The following JAM3 variants were observed in gnomAD, a reference collection of about 807,000 sequenced individuals.
JAM3 encodes junctional adhesion molecule 3.
Under a neutral mutation model 39.4 loss-of-function variants are expected in JAM3, and 31 were observed. The ratio of observed to expected loss-of-function variants is 0.79; its 90% CI spans 0.59 to 1.06. The LOEUF (loss-of-function observed/expected upper bound fraction) is 1.06, where lower values mean the gene tolerates loss of function less well. JAM3 is among the 50% of genes least tolerant of loss of function. JAM3 has a pLI of 0.00. For synonymous variants in JAM3, 182 were observed against 148.7 expected (o/e 1.22, Z -1.63); for missense variants, 455 against 391.4 (o/e 1.16, Z -1.37).
intron 1 of JAM3, among the ~76,000 whole-genome samples, chr11:134,113,875 G>A (rs1388020000): frequency 6.6e-6 from 1 of 152,144 alleles, no homozygotes; most frequent in Admixed American, 6.5e-5. Context: ...ACTTTTTAAT[G>A]ATCGCAATTC....
At chr11:134,082,443 C>T (rs1941682281) in intron 1 of JAM3, among the ~76,000 whole-genome samples, 2 of 152,078 alleles carry the variant, frequency 1.3e-5, no homozygotes, top group African/African-American at 2.4e-5. Flanking sequence ...CATCTTGTAG[C>T]TCCCATAATT....
intron 1 of JAM3, among the ~76,000 whole-genome samples, chr11:134,096,277 G>A (rs1941981467): frequency 6.6e-6 from 1 of 152,136 alleles, no homozygotes; most frequent in African/African-American, 2.4e-5. Flanking sequence ...CCGTGTAGAA[G>A]GCATTTATGT....
chr11:134,132,256 G>A (rs1942783567), intron 1 of JAM3, among the ~76,000 whole-genome samples: 1 of 152,196 alleles, frequency 6.6e-6, no homozygotes, highest in Non-Finnish European at 1.5e-5. Flanking sequence ...TTGGAGGCCA[G>A]AAGGAAGTGG....
rs776609444 is a variant in JAM3 at position 134,144,928 on chromosome 11, G to A, written c.546G>A (p.Thr182=). 2.5e-6 allele frequency: 4 copies of A among 1,614,044 alleles called. No individual in the cohort carries two copies. The highest frequency in any genetic ancestry group is 2.5e-6 in the Non-Finnish European group (3 of 1,180,038). The change falls in exon 5 of 9, where the codon ACG becomes ACA. Residue 182 remains threonine, a synonymous_variant. Transcript: ENST00000299106. ...SWYRNDVPLP[T]DSRANPRFRN... is the part of the protein sequence containing the mutation. ...ATCGCAATGATGTACCACTGCCCAC[G>A]GATTCCAGAGCCAATCCCAGATTTC...
At chr11:134,140,450 G>T (rs1482510243) in intron 2 of JAM3, among the ~76,000 whole-genome samples, 1 of 152,154 alleles carries the variant, frequency 6.6e-6, no homozygotes. Context: ...TAAGGGAGGG[G>T]TACACTATGT....
chr11:134,110,778 A>G (rs1305179407), intron 1 of JAM3, among the ~76,000 whole-genome samples: 2 of 152,142 alleles, frequency 1.3e-5, no homozygotes, highest in Non-Finnish European at 2.9e-5. Context: ...GGTGGTTTCA[A>G]AGCTTTACGT....
chr11:134,145,908 G>C (rs768330788), intron 5 of JAM3, 38 bp from the exon 6 acceptor site: 14 of 1,412,298 alleles, frequency 9.9e-6, no homozygotes, highest in African/African-American at 8.4e-5. Flanking sequence ...TCGGCCCCAT[G>C]ATGGGTCCGA....
At chr11:134,117,301 C>T (rs1055064155) in intron 1 of JAM3, among the ~76,000 whole-genome samples, 2 of 152,090 alleles carry the variant, frequency 1.3e-5, no homozygotes, top group South Asian at 2.1e-4. Context: ...TGCTTGAACC[C>T]GGGAGGCGGA....
intron 6 of JAM3, among the ~76,000 whole-genome samples, chr11:134,146,754 G>A (rs553081441): frequency 6.6e-6 from 1 of 152,004 alleles, no homozygotes; most frequent in Non-Finnish European, 1.5e-5. Context: ...TTGTAGATAC[G>A]GGGTCTCACT....
At chr11:134,073,580 C>G (rs138055972) in intron 1 of JAM3, among the ~76,000 whole-genome samples, 319 of 152,228 alleles carry the variant, frequency 2.1e-3, no homozygotes, top group Admixed American at 3.7e-3. Context: ...AGTACAACAC[C>G]CATTTATTGA....
At position 134,140,648 on chromosome 11, in the gene JAM3, G is replaced by T. The variant is rs1942957155; in HGVS notation, c.143-9G>T. On this transcript the variant is annotated splice_polypyrimidine_tract_variant and intron_variant, in intron 2 of 8. Coordinates refer to ENST00000299106, the MANE Select transcript of JAM3 (RefSeq NM_032801.5). ...TCACCGAGAGCTCTTTTTCTTCTTT[G>T]CGTGTTAGGTGTGGAACTGTCTTGC... 6.2e-7 allele frequency: 1 copy of T among 1,608,792 alleles called. No homozygotes were observed. The highest frequency in any genetic ancestry group is 8.5e-7 in the Non-Finnish European group (1 of 1,175,546).
At chr11:134,083,309 C>T (rs1941695595) in intron 1 of JAM3, among the ~76,000 whole-genome samples, 1 of 150,512 alleles carries the variant, frequency 6.6e-6, no homozygotes, top group South Asian at 2.1e-4. Context: ...CCTATTTCTC[C>T]CTCACTCTTT....
At chr11:134,121,556 C>T (rs1229943141) in intron 1 of JAM3, among the ~76,000 whole-genome samples, 1 of 151,980 alleles carries the variant, frequency 6.6e-6, no homozygotes, top group African/African-American at 2.4e-5. Context: ...AGGCTGCACA[C>T]CTTTCAAATC....
intron 1 of JAM3, among the ~76,000 whole-genome samples, chr11:134,077,959 C>A (rs1457806968): frequency 2.6e-5 from 4 of 151,734 alleles, no homozygotes; most frequent in Non-Finnish European, 5.9e-5. Flanking sequence ...GCCAAGGATG[C>A]TTTTTCTTGA....
intron 1 of JAM3, among the ~76,000 whole-genome samples, chr11:134,082,992 CTT>C (rs1230904892): frequency 1.3e-5 from 2 of 152,172 alleles, no homozygotes; most frequent in Admixed American, 6.5e-5. Flanking sequence ...TGAAGCCTGA[CTT>C]TTCTATTTTA....
At chr11:134,140,971 C>T (rs1942964555) in intron 3 of JAM3, among the ~76,000 whole-genome samples, 1 of 151,924 alleles carries the variant, frequency 6.6e-6, no homozygotes, top group South Asian at 2.1e-4. Flanking sequence ...CCTCCCTGTC[C>T]CTGTCCCCCA....
intron 8 of JAM3, 137 bp downstream of exon 8, chr11:134,148,955 AACACACACACACACACACACACACACAC>A (rs368934602): frequency 4.3e-6 from 3 of 689,924 alleles, no homozygotes; most frequent in African/African-American, 1.8e-5. Context: ...CCTTCACAGT[AACACACACACACACACACACACACACAC>A]ACACACACAC....
chr11:134,092,208 C>G (rs572743928), intron 1 of JAM3, among the ~76,000 whole-genome samples: 18 of 152,268 alleles, frequency 1.2e-4, no homozygotes, highest in African/African-American at 4.3e-4. Flanking sequence ...CCACACATGC[C>G]CAGAGCTGTT....
chr11:134,132,355 T>C (rs181052546), intron 1 of JAM3, among the ~76,000 whole-genome samples: 1 of 152,048 alleles, frequency 6.6e-6, no homozygotes, highest in East Asian at 1.9e-4. Flanking sequence ...GAAGCAGAAG[T>C]TAAGACATTG....
Sources: allele counts gnomAD v4.1 joint callset (sites outside exome capture counted in the v4.1 genomes callset), GRCh38; gene constraint gnomAD v4.1.1; transcripts MANE v1.5; gene names NCBI Gene and HGNC (gene_info 2026-07-23, HGNC 2026-07-21).